ITPR3: variants seen among roughly 807,000 people sequenced by gnomAD.
The protein encoded by ITPR3 is inositol 1,4,5-trisphosphate receptor type 3.
Under a neutral mutation model 293.2 loss-of-function variants are expected in ITPR3, and 173 were observed. The observed-to-expected ratio is 0.59, with a 90% CI of 0.52 to 0.67. The LOEUF is 0.67. Ranked by LOEUF, ITPR3 falls within the 30% of genes least tolerant of loss-of-function variation. The pLI is 0.00. For synonymous variants in ITPR3, 1,295 were observed against 1,444.4 expected (o/e 0.90, Z 2.35); for missense variants, 2,796 against 3,592.1 (o/e 0.78, Z 5.66).
In ITPR3 at chr6:33,682,535, G is replaced by C; in HGVS notation, c.4488G>C (p.Thr1496=). ...GTGACTTCTTGCAGACACACCAGAC[G>C]ATTGTGGTGCAGCTGCTGCAGTCTA... ...ENSTSLQTHQ[T]IVVQLLQSTT... Residue 1496 remains threonine, a synonymous_variant, in exon 34 of 58, where the codon ACG becomes ACC. Transcript: ENST00000605930. The surrounding 1 kb of genome is among the most constrained non-coding windows in gnomAD (Gnocchi z 5.4). 1 of 1,543,500 alleles carries C rather than the reference G, an allele frequency of 6.5e-7. No individual in the cohort carries two copies. Among genetic ancestry groups the C allele is most frequent in the Non-Finnish European group, 8.7e-7 (1 of 1,143,280 alleles).
At position 33,683,883 on chromosome 6, in the gene ITPR3, G is replaced by C; in HGVS notation, c.4789-137G>C. 1.1e-6 allele frequency: 1 copy of C among 914,432 alleles called. No individual in the cohort carries two copies. Among genetic ancestry groups the C allele is most frequent in the Non-Finnish European group, 1.6e-6 (1 of 614,632 alleles). 56.6% of individuals were successfully genotyped at this position (914,432 alleles called of 1,614,324 possible). A position where few individuals can be genotyped will look rare whatever the true frequency, so the allele number is the denominator to read the frequency against. On this transcript the variant is annotated intron_variant, in intron 35 of 57. Coordinates refer to ENST00000605930, the MANE Select transcript of ITPR3 (RefSeq NM_002224.4). The surrounding 1 kb of genome is among the most constrained non-coding windows in gnomAD (Gnocchi z 4.5). ...CAGACAGACATCACGCTGTGTTCAGGGTGTCTCTGTGGGTGTGGGCCCCTC... is the reference window on the plus strand; with the variant it reads ...CAGACAGACATCACGCTGTGTTCAGCGTGTCTCTGTGGGTGTGGGCCCCTC...
rs1763714919 is a variant in ITPR3 at position 33,632,852 on chromosome 6, G to A, written c.90-7632G>A. Among the ~76,000 whole-genome samples the A allele has an allele frequency of 6.6e-6, 1 of 152,212 alleles. No individual in the cohort carries two copies. The highest frequency in any genetic ancestry group is 1.5e-5 in the Non-Finnish European group (1 of 68,028). The stretch of plus-strand genomic sequence containing the variant: ...ACAGGGCTCCTGTCCTCGGCACTCA[G>A]CGTGGTCGCAGGAGATCCCAGAGGG... On this transcript the variant is annotated intron_variant, in intron 1 of 57. Transcript: ENST00000605930. The surrounding 1 kb of genome is among the most constrained non-coding windows in gnomAD (Gnocchi z 4.1).
In ITPR3 at chr6:33,667,997, GCTCCTCC is replaced by G; in HGVS notation, c.1886+43_1886+49del. The G allele has an allele frequency of 6.2e-7, 1 of 1,610,390 alleles. No individual in the cohort carries two copies. Among genetic ancestry groups the G allele is most frequent in the Non-Finnish European group, 8.5e-7 (1 of 1,178,040 alleles). On this transcript the variant is annotated intron_variant, in intron 16 of 57. Transcript: ENST00000605930. This position sits in a 1 kb window ranked among gnomAD's most constrained non-coding sequence, Gnocchi z 4.4. ...CGAACCCCCTCCCCGGCCGGCGCCT[GCTCCTCC>G]CTCCTCCCTTGCCTGGGTAGAAACT...
chr6:33,655,419 G>T lies in ITPR3; in HGVS notation c.161-347G>T, dbSNP rs1032169300. Reference sequence around the variant, plus strand: ...GCAATTAGCTAAAGAGGATGCAGATGTGAGCTGTTAGCTGCCAATACTCAC... The same window carrying T: ...GCAATTAGCTAAAGAGGATGCAGATTTGAGCTGTTAGCTGCCAATACTCAC... On this transcript the variant is annotated intron_variant, in intron 2 of 57. Transcript: ENST00000605930. This position sits in a 1 kb window ranked among gnomAD's most constrained non-coding sequence, Gnocchi z 4.9. Among the ~76,000 whole-genome samples, 1 of 152,166 alleles carries T rather than the reference G, an allele frequency of 6.6e-6. No individual in the cohort carries two copies. The highest frequency in any genetic ancestry group is 1.5e-5 in the Non-Finnish European group (1 of 68,026).
intron 28 of ITPR3, among the ~76,000 whole-genome samples, chr6:33,677,867 G>A (rs984365202): frequency 6.6e-6 from 1 of 152,074 alleles, no homozygotes; most frequent in Non-Finnish European, 1.5e-5. Context: ...CCAGCCTTAT[G>A]CTGATTCTTG....
intron 21 of ITPR3, 113 bp from the exon 22 acceptor site, chr6:33,671,916 C>T (rs929859096): frequency 3.7e-5 from 39 of 1,051,816 alleles, no homozygotes; most frequent in Non-Finnish European, 5.1e-5. Context: ...AGGCTTTGCC[C>T]TGCAGCTGAC....
chr6:33,629,589 T>A (rs1443754789), intron 1 of ITPR3, among the ~76,000 whole-genome samples: 2 of 151,938 alleles, frequency 1.3e-5, no homozygotes, highest in Non-Finnish European at 2.9e-5. Flanking sequence ...CGAGTGATTC[T>A]CCTGCCTCAG....
chr6:33,621,514 C>A lies in ITPR3; in HGVS notation c.-89C>A. The A allele has an allele frequency of 2.2e-6, 2 of 909,724 alleles. No individual in the cohort carries two copies. Among genetic ancestry groups the A allele is most frequent in the Non-Finnish European group, 3.5e-6 (2 of 578,190 alleles). 56.4% of individuals were successfully genotyped at this position (909,724 alleles called of 1,614,324 possible). On this transcript the variant is annotated 5_prime_UTR_variant, in exon 1 of 58. Transcript: ENST00000605930. This position sits in a 1 kb window ranked among gnomAD's most constrained non-coding sequence, Gnocchi z 7.7. ...TCCGAGGTGGGAGCGTACCCCTCCCCGCTCCCCGGACGCCTCAGTCCTCCG... is the reference window on the plus strand; with the variant it reads ...TCCGAGGTGGGAGCGTACCCCTCCCAGCTCCCCGGACGCCTCAGTCCTCCG...
chr6:33,657,984 AT>A lies in ITPR3; in HGVS notation c.336del (p.His112GlnfsTer5). ...KQNDTENKKV[H>X]GDVVKYGSVI... ...AATGACACGGAGAACAAGAAGGTGCATGGGGATGTCGTGAAGTATGGCAGTG... is the reference window on the plus strand; with the variant it reads ...AATGACACGGAGAACAAGAAGGTGCAGGGGATGTCGTGAAGTATGGCAGTG... On this transcript the variant is annotated frameshift_variant, in exon 4 of 58. Coordinates refer to ENST00000605930, the MANE Select transcript of ITPR3 (RefSeq NM_002224.4). LOFTEE classifies it high-confidence loss of function. 1 of 1,613,900 alleles carries A rather than the reference AT, an allele frequency of 6.2e-7. No individual in the cohort carries two copies. Among genetic ancestry groups the A allele is most frequent in the Non-Finnish European group, 8.5e-7 (1 of 1,179,884 alleles).
In ITPR3 at chr6:33,691,081, C is replaced by T. The variant is rs1236804255; in HGVS notation, c.7197C>T (p.Val2399=). The change falls in exon 52 of 58, where the codon GTC becomes GTT. Residue 2399 remains valine, a synonymous_variant. Coordinates refer to ENST00000605930, the MANE Select transcript of ITPR3 (RefSeq NM_002224.4). The surrounding 1 kb of genome is among the most constrained non-coding windows in gnomAD (Gnocchi z 4.9). ...TCAAGGATGACTTCATTCTCGAGGTCGACCGGCTGCCCAACAACCACTCCA... is the reference window on the plus strand; with the variant it reads ...TCAAGGATGACTTCATTCTCGAGGTTGACCGGCTGCCCAACAACCACTCCA... ...LFLKDDFILE[V]DRLPNNHSTA... The T allele has an allele frequency of 7.4e-6, 12 of 1,614,080 alleles. No homozygotes were observed. In the East Asian group the frequency reaches 8.9e-5, roughly 12 times the overall value.
chr6:33,678,592 T>TGGGGGGGGGGGGG, intron 29 of ITPR3, 47 bp from the exon 30 acceptor site: 5 of 896,110 alleles, frequency 5.6e-6, no homozygotes, highest in Non-Finnish European at 3.1e-6. Flanking sequence ...GGATGGGGGG[T>TGGGGGGGGGGGGG]GGGGGCGGGG....
intron 2 of ITPR3, among the ~76,000 whole-genome samples, chr6:33,640,771 A>G (rs1763933184): frequency 6.6e-6 from 1 of 152,088 alleles, no homozygotes; most frequent in African/African-American, 2.4e-5. Context: ...GCCACACCCC[A>G]CTTCTCAGGG....
chr6:33,653,473 G>A (rs1482168851), intron 2 of ITPR3, among the ~76,000 whole-genome samples: 1 of 152,084 alleles, frequency 6.6e-6, no homozygotes, highest in African/African-American at 2.4e-5. Flanking sequence ...GTGTGGCCAT[G>A]AGTGATGTAT....
In ITPR3 at chr6:33,695,927, G is replaced by A. The variant is rs369038189; in HGVS notation, c.*147G>A. 429 of 688,252 alleles carry A rather than the reference G, an allele frequency of 6.2e-4. 1 individual carries two copies. The African/African-American group carries it at 6.4e-3, about 10-fold the overall frequency. The allele number at this position is 688,252 out of a possible 1,614,324, so 42.6% of individuals were successfully genotyped here. A position where few individuals can be genotyped will look rare whatever the true frequency, so the allele number is the denominator to read the frequency against. Reference sequence around the variant, plus strand: ...GCCAGACACCCTGACACCCACCCAGGCTTTGAAGAGCATGGAGGGGGAGCC... The same window carrying A: ...GCCAGACACCCTGACACCCACCCAGACTTTGAAGAGCATGGAGGGGGAGCC... On this transcript the variant is annotated 3_prime_UTR_variant, in exon 58 of 58. Coordinates refer to ENST00000605930, the MANE Select transcript of ITPR3 (RefSeq NM_002224.4).
Position 33,678,857 on chromosome 6 carries a change from G to T in ITPR3, c.3972+18G>T. The T allele has an allele frequency of 1.2e-6, 2 of 1,605,128 alleles. No homozygotes were observed. Among genetic ancestry groups the T allele is most frequent in the South Asian group, 1.1e-5 (1 of 89,472 alleles). On this transcript the variant is annotated intron_variant, in intron 30 of 57. Coordinates refer to ENST00000605930, the MANE Select transcript of ITPR3 (RefSeq NM_002224.4). ...TGACTGAGGTGAGGGCGGGGCTGAG[G>T]GGTGCTCAGGCATCTTGGGGTGGGG...
chr6:33,686,947 G>T, intron 43 of ITPR3, 62 bp from the exon 44 acceptor site: 19 of 1,302,658 alleles, frequency 1.5e-5, no homozygotes, highest in Non-Finnish European at 2.0e-5. Flanking sequence ...GAATGAGGGA[G>T]AAGTTGTCAG....
chr6:33,654,281 A>C lies in ITPR3; in HGVS notation c.161-1485A>C, dbSNP rs1764257924. 6.6e-6 allele frequency among the ~76,000 whole-genome samples: 1 copy of C among 152,080 alleles called. No individual in the cohort carries two copies. The highest frequency in any genetic ancestry group is 1.5e-5 in the Non-Finnish European group (1 of 68,008). On this transcript the variant is annotated intron_variant, in intron 2 of 57. Coordinates refer to ENST00000605930, the MANE Select transcript of ITPR3 (RefSeq NM_002224.4). This position sits in a 1 kb window ranked among gnomAD's most constrained non-coding sequence, Gnocchi z 4.1. The stretch of plus-strand genomic sequence containing the variant: ...AGACCGTGTCTCAAAAAAAATAAGA[A>C]AAATAAAAAAAATAAAAAAGACACA...
At chr6:33,646,927 A>G (rs1259149880) in intron 2 of ITPR3, among the ~76,000 whole-genome samples, 2 of 152,128 alleles carry the variant, frequency 1.3e-5, no homozygotes, top group Non-Finnish European at 2.9e-5. Context: ...AAAAAAAAAG[A>G]TGAAAAAAAG....
Position 33,633,722 on chromosome 6 carries a change from T to G in ITPR3, c.90-6762T>G, listed in dbSNP as rs1375270356. ...GCGCGTCGTGGGAGACGGCTGCACG[T>G]GGGACGGCGAGTTTCGCTTCGCCGC... On this transcript the variant is annotated intron_variant, in intron 1 of 57. Transcript: ENST00000605930. The surrounding 1 kb of genome is among the most constrained non-coding windows in gnomAD (Gnocchi z 5.2). Among the ~76,000 whole-genome samples the G allele has an allele frequency of 3.5e-5, 5 of 144,204 alleles. No individual in the cohort carries two copies. Among genetic ancestry groups the G allele is most frequent in the Non-Finnish European group, 6.1e-5 (4 of 65,602 alleles). 94.6% of individuals were successfully genotyped at this position (144,204 alleles called of 152,430 possible).
Sources: allele counts gnomAD v4.1 joint callset (sites outside exome capture counted in the v4.1 genomes callset), GRCh38; gene constraint gnomAD v4.1.1; non-coding constraint Gnocchi (gnomAD v3.1); transcripts MANE v1.5; gene names NCBI Gene and HGNC (gene_info 2026-07-23, HGNC 2026-07-21).